ZNF335: variants seen among roughly 807,000 people sequenced by gnomAD.
The protein encoded by ZNF335 is zinc finger protein 335.
ZNF335 carries 84 observed loss-of-function variants against 145.6 expected under a neutral mutation model. The ratio of observed to expected loss-of-function variants is 0.58; its 90% CI spans 0.48 to 0.69. The LOEUF is 0.69. ZNF335 is among the 30% of genes least tolerant of loss of function. The pLI is 0.00. For missense variants in ZNF335, 1,865 were observed against 1,809.7 expected (o/e 1.03, Z -0.55); for synonymous variants, 761 against 717.0 (o/e 1.06, Z -0.98).
intron 20 of ZNF335, among the ~76,000 whole-genome samples, chr20:45,950,848 A>T (rs1380154715): frequency 6.6e-6 from 1 of 152,180 alleles, no homozygotes. Context: ...ACCCATATGT[A>T]ACACAGGTGT....
intron 22 of ZNF335, 29 bp downstream of exon 22, chr20:45,950,190 C>A: frequency 6.4e-7 from 1 of 1,559,016 alleles, no homozygotes. Context: ...TACCCTGTTG[C>A]CCACCCTGTG....
chr20:45,955,979 G>A (rs1309172115), intron 17 of ZNF335, among the ~76,000 whole-genome samples: 2 of 152,196 alleles, frequency 1.3e-5, no homozygotes, highest in Non-Finnish European at 2.9e-5. Context: ...GGAGATCTTA[G>A]GAGAATAAGG....
chr20:45,956,709 G>A (rs958862757), intron 17 of ZNF335, among the ~76,000 whole-genome samples: 2 of 151,460 alleles, frequency 1.3e-5, no homozygotes, highest in African/African-American at 4.9e-5. Context: ...ATACCACGTC[G>A]GATGACTTCT....
intron 17 of ZNF335, among the ~76,000 whole-genome samples, chr20:45,954,963 T>A (rs915547537): frequency 3.9e-5 from 6 of 151,932 alleles, no homozygotes; most frequent in Non-Finnish European, 8.8e-5. Flanking sequence ...TTCACCATGT[T>A]GTCCAGGCTG....
chr20:45,956,144 C>T (rs1044257430), intron 17 of ZNF335, among the ~76,000 whole-genome samples: 7 of 152,156 alleles, frequency 4.6e-5, no homozygotes, highest in African/African-American at 7.2e-5. Context: ...CTTCTGAACC[C>T]ATTTACTGGG....
intron 1 of ZNF335, 34 bp from the exon 2 acceptor site, chr20:45,971,494 G>A (rs746542410): frequency 2.6e-6 from 4 of 1,553,228 alleles, no homozygotes; most frequent in Non-Finnish European, 3.5e-6. Flanking sequence ...TGGAACAAGT[G>A]GGCCATCTCC....
intron 2 of ZNF335, chr20:45,970,108 T>C (rs994122039): frequency 1.2e-5 from 2 of 161,948 alleles, no homozygotes; most frequent in Admixed American, 1.2e-4. Flanking sequence ...AGTCAGGACT[T>C]CTTCATCCTC....
At chr20:45,968,222 C>A in intron 4 of ZNF335, 63 bp downstream of exon 4, 1 of 1,566,000 alleles carries the variant, frequency 6.4e-7, no homozygotes, top group Non-Finnish European at 8.8e-7. Context: ...CGCGGCAGAA[C>A]CTGTCCTCAC....
At position 45,971,803 on chromosome 20, in the gene ZNF335, G is replaced by T. The variant is rs1333203470; in HGVS notation, c.-51+319C>A. 4.1e-6 allele frequency: 4 copies of T among 985,188 alleles called. No individual in the cohort carries two copies. The African/African-American group carries it at 5.2e-5, about 13-fold the overall frequency. The allele number at this position is 985,188 out of a possible 1,614,324, so 61.0% of individuals were successfully genotyped here. A position where few individuals can be genotyped will look rare whatever the true frequency, so the allele number is the denominator to read the frequency against. On this transcript the variant is annotated intron_variant, in intron 1 of 27. Transcript: ENST00000322927. Reference sequence around the variant, plus strand: ...CGCGTCCCCCCGGGTTGCAGGGCCGGTGGTACAGCCCGCTGGCCCCCTGGG... The same window carrying T: ...CGCGTCCCCCCGGGTTGCAGGGCCGTTGGTACAGCCCGCTGGCCCCCTGGG...
At chr20:45,956,246 T>C (rs1446646291) in intron 17 of ZNF335, among the ~76,000 whole-genome samples, 2 of 152,042 alleles carry the variant, frequency 1.3e-5, no homozygotes, top group Non-Finnish European at 2.9e-5. Context: ...TTTTTTTTTT[T>C]TTAGATGGAG....
At chr20:45,968,459 GT>G in intron 3 of ZNF335, 97 bp from the exon 4 acceptor site, 1 of 1,132,102 alleles carries the variant, frequency 8.8e-7, no homozygotes, top group South Asian at 1.3e-5. Context: ...AGCAGGGCTG[GT>G]CCACACTCAT....
In ZNF335 at chr20:45,971,473, G is replaced by A. The variant is rs1568833431; in HGVS notation, c.-50-13C>T. ...TGGGAACTTCACTCTGAGAAGAGAG[G>A]TGACCGTGGCTGGAACAAGTGGGCC... On this transcript the variant is annotated splice_polypyrimidine_tract_variant and intron_variant, in intron 1 of 27. Transcript: ENST00000322927. The A allele has an allele frequency of 1.3e-6, 2 of 1,577,280 alleles. No homozygotes were observed. Among genetic ancestry groups the A allele is most frequent in the Non-Finnish European group, 1.7e-6 (2 of 1,168,354 alleles).
rs920318514 is a variant in ZNF335, at chr20:45,961,023, G to A, written c.1647-141C>T. 7 of 1,104,574 alleles carry A rather than the reference G, an allele frequency of 6.3e-6. 1 individual carries two copies. In the Middle Eastern group the frequency reaches 1.0e-3, roughly 162 times the overall value. The allele number at this position is 1,104,574 out of a possible 1,614,324, so 68.4% of individuals were successfully genotyped here. A position where few individuals can be genotyped will look rare whatever the true frequency, so the allele number is the denominator to read the frequency against. On this transcript the variant is annotated intron_variant, in intron 10 of 27. Transcript: ENST00000322927. Reference sequence around the variant, plus strand: ...CTCTTAGAATAGTGCTTCCCCAGCTGGAGTTCACTGGGGAAAACGCTAAGG... The same window carrying A: ...CTCTTAGAATAGTGCTTCCCCAGCTAGAGTTCACTGGGGAAAACGCTAAGG...
chr20:45,953,920 T>C lies in ZNF335; in HGVS notation c.2471A>G (p.Glu824Gly), dbSNP rs762877841. The stretch of plus-strand genomic sequence containing the variant: ...CCCACCAGGGGATGCTAACCCTGCT[T>C]CCACATCTTCCGACTTCACCACAGC... Reference protein sequence around the residue: ...QVAVVKSEDVEAGLASPGGQP... With the variant: ...QVAVVKSEDVGAGLASPGGQP... The change falls in exon 18 of 28, where the codon GAA (glutamate) becomes GGA (glycine). Residue 824 changes from glutamate to glycine, a missense_variant. Coordinates refer to ENST00000322927, the MANE Select transcript of ZNF335 (RefSeq NM_022095.4). 2 of 1,606,306 alleles carry C rather than the reference T, an allele frequency of 1.2e-6. No individual in the cohort carries two copies. The highest frequency in any genetic ancestry group is 1.7e-6 in the Non-Finnish European group (2 of 1,176,342).
chr20:45,959,613 C>T (rs567587144), intron 14 of ZNF335, among the ~76,000 whole-genome samples, 180 bp from the exon 15 acceptor site: 26 of 152,272 alleles, frequency 1.7e-4, no homozygotes, highest in African/African-American at 5.3e-4. Flanking sequence ...GAATCAGGGC[C>T]GCCCTCTGCA....
chr20:45,952,743 G>C (rs1413854352), intron 18 of ZNF335, 34 bp from the exon 19 acceptor site: 1 of 1,599,976 alleles, frequency 6.3e-7, no homozygotes, highest in Non-Finnish European at 8.6e-7. Flanking sequence ...GGAGAAGATG[G>C]AGGGCCACAG....
rs762059104 is a variant in ZNF335 at position 45,949,514 on chromosome 20, C to T, written c.3724G>A (p.Val1242Ile). 2.1e-5 allele frequency: 34 copies of T among 1,613,672 alleles called. No homozygotes were observed. The highest frequency in any genetic ancestry group is 2.9e-5 in the Non-Finnish European group (34 of 1,179,938). The change falls in exon 25 of 28, where the codon GTT becomes ATT. Residue 1242 changes from valine (V) to isoleucine (I), a missense_variant. By Grantham distance (29) the Val-to-Ile change is conservative. Coordinates refer to ENST00000322927, the MANE Select transcript of ZNF335 (RefSeq NM_022095.4). ...GVQHLLPQEYVVVPEGHHIQV... is the reference protein window; with the variant it reads ...GVQHLLPQEYIVVPEGHHIQV... The stretch of plus-strand genomic sequence containing the variant: ...ATGTGATGGCCTTCAGGGACCACAA[C>T]ATATTCCTGGGGGAGCAGGTGCTGG...
intron 9 of ZNF335, among the ~76,000 whole-genome samples, chr20:45,962,487 G>A (rs1233488668): frequency 1.3e-5 from 2 of 152,198 alleles, no homozygotes; most frequent in Admixed American, 6.5e-5. Context: ...GCAGCATGGC[G>A]CCGCAGCCTC....
intron 7 of ZNF335, among the ~76,000 whole-genome samples, chr20:45,965,296 A>G (rs1459478087): frequency 6.6e-6 from 1 of 152,064 alleles, no homozygotes; most frequent in Non-Finnish European, 1.5e-5. Flanking sequence ...CTCCTCTGAT[A>G]GTCCCAGGCC....
Sources: allele counts gnomAD v4.1 joint callset (sites outside exome capture counted in the v4.1 genomes callset), GRCh38; gene constraint gnomAD v4.1.1; transcripts MANE v1.5; gene names NCBI Gene and HGNC (gene_info 2026-07-23, HGNC 2026-07-21).